The following EME1 variants were observed in gnomAD, a reference collection of about 807,000 sequenced individuals.
EME1 encodes essential meiotic structure-specific endonuclease 1.
In EME1, 61 loss-of-function variants were observed where a neutral mutation model predicts 59.1. The ratio of observed to expected loss-of-function variants is 1.03; its 90% CI spans 0.84 to 1.28. EME1 has a LOEUF of 1.28. EME1 is among the 50% of genes most tolerant of loss of function. The pLI, the probability that EME1 is intolerant of heterozygous loss-of-function variation, is 0.00. For synonymous variants in EME1, 230 were observed against 254.2 expected (o/e 0.90, Z 0.90); for missense variants, 635 against 682.6 (o/e 0.93, Z 0.78).
intron 6 of EME1, 112 bp downstream of exon 6, chr17:50,379,336 C>G: frequency 6.3e-7 from 1 of 1,587,492 alleles, no homozygotes; most frequent in Non-Finnish European, 8.6e-7. Context: ...TTGGCACTGA[C>G]TAAGAGAAGG....
chr17:50,381,121 A>G lies in EME1; in HGVS notation c.*182A>G. 2 of 666,964 alleles carry G rather than the reference A, an allele frequency of 3.0e-6. No homozygotes were observed. Among genetic ancestry groups the G allele is most frequent in the Non-Finnish European group, 4.9e-6 (2 of 404,048 alleles). The allele number at this position is 666,964 out of a possible 1,614,324, so 41.3% of individuals were successfully genotyped here. Reference sequence around the variant, plus strand: ...CCTGTCGGCTGGGGCAGAGACTGAAATACTGCCACCTACCTTTGGCATTTA... The same window carrying G: ...CCTGTCGGCTGGGGCAGAGACTGAAGTACTGCCACCTACCTTTGGCATTTA... On this transcript the variant is annotated 3_prime_UTR_variant, in exon 9 of 9. Transcript: ENST00000338165.
At chr17:50,376,439 C>T (rs766929536) in intron 3 of EME1, among the ~76,000 whole-genome samples, 1 of 152,160 alleles carries the variant, frequency 6.6e-6, no homozygotes, top group Non-Finnish European at 1.5e-5. Flanking sequence ...GTTTTTCGAC[C>T]TCAGTATTGT....
At chr17:50,376,880 T>C (rs999714516) in intron 3 of EME1, among the ~76,000 whole-genome samples, 1 of 152,112 alleles carries the variant, frequency 6.6e-6, no homozygotes, top group Admixed American at 6.5e-5. Flanking sequence ...CCAGAAGACA[T>C]GTGGGCCCTG....
At position 50,375,182 on chromosome 17, in the gene EME1, T is replaced by G; in HGVS notation, c.-24-3T>G. On this transcript the variant is annotated splice_region_variant and splice_polypyrimidine_tract_variant and intron_variant, in intron 1 of 8. Transcript: ENST00000338165. ...CTGTGTCATATGTCTCTTTTCCTTT[T>G]AGGGAATTATTTGATAGCACATACT... 6.2e-7 allele frequency: 1 copy of G among 1,603,774 alleles called. No homozygotes were observed. Among genetic ancestry groups the G allele is most frequent in the Non-Finnish European group, 8.5e-7 (1 of 1,175,600 alleles).
In EME1 at chr17:50,380,304, T is replaced by C. The variant is rs369126156; in HGVS notation, c.1347-8T>C. 22 of 1,595,922 alleles carry C rather than the reference T, an allele frequency of 1.4e-5. No homozygotes were observed. In the African/African-American group the frequency reaches 2.8e-4, roughly 20 times the overall value. Reference sequence around the variant, plus strand: ...GCAACTTACAGCTCTCCAACCACGCTGTTGCAGGAAGCTCCGAGATGAAAC... The same window carrying C: ...GCAACTTACAGCTCTCCAACCACGCCGTTGCAGGAAGCTCCGAGATGAAAC... On this transcript the variant is annotated splice_polypyrimidine_tract_variant and splice_region_variant and intron_variant, in intron 7 of 8. Transcript: ENST00000338165.
chr17:50,380,525 G>T, intron 8 of EME1, 24 bp downstream of exon 8: 2 of 1,608,914 alleles, frequency 1.2e-6, no homozygotes, highest in Non-Finnish European at 1.7e-6. Context: ...GGGCTCAGGG[G>T]TCACTGCCCA....
rs1357660319 is a variant in EME1, at chr17:50,375,205, A to T, written c.-4A>T. The T allele has an allele frequency of 1.2e-6, 2 of 1,613,010 alleles. No individual in the cohort carries two copies. The highest frequency in any genetic ancestry group is 2.2e-5 in the South Asian group (2 of 90,842). On this transcript the variant is annotated 5_prime_UTR_variant, in exon 2 of 9. Coordinates refer to ENST00000338165, the MANE Select transcript of EME1 (RefSeq NM_152463.4). ...TTTAGGGAATTATTTGATAGCACAT[A>T]CTGATGGCTCTAAAGAAGTCATCAC...
Position 50,378,859 on chromosome 17 carries a change from T to C in EME1, c.1076T>C (p.Leu359Pro), listed in dbSNP as rs1474416411. Residue 359 changes from leucine to proline, a missense_variant, in exon 5 of 9, where the codon CTG (leucine) becomes CCG (proline). Transcript: ENST00000338165. Reference protein sequence around the residue: ...DITAKTAGKALSLVIVDQEKC... With the variant: ...DITAKTAGKAPSLVIVDQEKC... ...ACAGCAAAGACAGCAGGGAAAGCTC[T>C]GTCACTGGTGATTGTGGATCAGGAG... The C allele has an allele frequency of 1.9e-6, 3 of 1,614,248 alleles. No homozygotes were observed. The highest frequency in any genetic ancestry group is 1.7e-5 in the Admixed American group (1 of 60,028).
At position 50,375,606 on chromosome 17, in the gene EME1, G is replaced by A; in HGVS notation, c.398G>A (p.Cys133Tyr). The change falls in exon 2 of 9, where the codon TGT becomes TAT. Residue 133 changes from cysteine to tyrosine, a missense_variant. Coordinates refer to ENST00000338165, the MANE Select transcript of EME1 (RefSeq NM_152463.4). Reference sequence around the variant, plus strand: ...CATCAAAATAATGAAGGTGCATCATGTGACTGGAAAAAGCCCTTTCCAAAG... The same window carrying A: ...CATCAAAATAATGAAGGTGCATCATATGACTGGAAAAAGCCCTTTCCAAAG... The part of the protein sequence containing the change: ...LDHQNNEGAS[C>Y]DWKKPFPKIP... The A allele has an allele frequency of 1.9e-6, 3 of 1,574,728 alleles. No homozygotes were observed. The South Asian group carries it at 3.3e-5, about 17-fold the overall frequency.
chr17:50,379,937 A>T (rs1913707199), intron 7 of EME1: 1 of 294,056 alleles, frequency 3.4e-6, no homozygotes, highest in African/African-American at 2.1e-5. Context: ...TAAAATAAGT[A>T]AATGACCTCA....
In EME1 at chr17:50,373,237, G is replaced by T. The variant is rs534336515; in HGVS notation, c.-65G>T. On this transcript the variant is annotated 5_prime_UTR_variant, in exon 1 of 9. Transcript: ENST00000338165. ...CCGCTATCAGGAGATCTACTTCCGG[G>T]CCCTGCGTGGCAGTTGAAAGAGTGG... 861 of 1,605,442 alleles carry T rather than the reference G, an allele frequency of 5.4e-4. 3 individuals carry two copies. Among genetic ancestry groups the T allele is most frequent in the Non-Finnish European group, 5.9e-4 (694 of 1,175,442 alleles).
At position 50,379,511 on chromosome 17, in the gene EME1, A is replaced by G. The variant is rs1383150287; in HGVS notation, c.1290A>G (p.Lys430=). ...AGGCTCAAATTGTGCAGAGCTGGAA[A>G]GAGCTGGCCGACTTCACATGCGCAT... The part of the protein sequence containing the change: ...EAQAQIVQSW[K]ELADFTCAFT... The change falls in exon 7 of 9, where the codon AAA becomes AAG. Residue 430 remains lysine (K), a synonymous_variant. Coordinates refer to ENST00000338165, the MANE Select transcript of EME1 (RefSeq NM_152463.4). 1 of 1,614,234 alleles carries G rather than the reference A, an allele frequency of 6.2e-7. No individual in the cohort carries two copies.
chr17:50,378,388 T>C (rs1465233428), intron 3 of EME1, among the ~76,000 whole-genome samples: 1 of 152,166 alleles, frequency 6.6e-6, no homozygotes, highest in African/African-American at 2.4e-5. Context: ...TTATTCACTG[T>C]CTCTGAGATG....
Position 50,381,225 on chromosome 17 carries a change from G to A in EME1, c.*286G>A, listed in dbSNP as rs1308636943. 1 of 406,354 alleles carries A rather than the reference G, an allele frequency of 2.5e-6. No homozygotes were observed. Among genetic ancestry groups the A allele is most frequent in the African/African-American group, 2.0e-5 (1 of 50,182 alleles). 25.2% of individuals were successfully genotyped at this position (406,354 alleles called of 1,614,324 possible). On this transcript the variant is annotated 3_prime_UTR_variant, in exon 9 of 9. Transcript: ENST00000338165. ...ACCCAGCCAGCCCTCAAAACACAAA[G>A]GAACAAAGACAGTCCACTCAGACAC... is the stretch of plus-strand genomic sequence containing the variant.
At position 50,375,818 on chromosome 17, in the gene EME1, A is replaced by C. The variant is rs746748648; in HGVS notation, c.610A>C (p.Lys204Gln). The change falls in exon 2 of 9, where the codon AAG becomes CAG. Residue 204 changes from lysine (K) to glutamine (Q), a missense_variant. Transcript: ENST00000338165. ...CCAGAAGAAAACCAAGCCGAGTCAGAAGGTCCAGGGAAGAGGCTCACACGG... is the reference window on the plus strand; with the variant it reads ...CCAGAAGAAAACCAAGCCGAGTCAGCAGGTCCAGGGAAGAGGCTCACACGG... ...PPQKKTKPSQKVQGRGSHGCR... is the reference protein window; with the variant it reads ...PPQKKTKPSQQVQGRGSHGCR... 6.2e-7 allele frequency: 1 copy of C among 1,614,222 alleles called. No individual in the cohort carries two copies. The highest frequency in any genetic ancestry group is 1.1e-5 in the South Asian group (1 of 91,086).
chr17:50,378,471 C>T, intron 3 of EME1, 124 bp from the exon 4 acceptor site: 2 of 904,720 alleles, frequency 2.2e-6, no homozygotes, highest in East Asian at 2.4e-5. Flanking sequence ...TGACTTCATT[C>T]CAGAAAGGAT....
Position 50,379,174 on chromosome 17 carries a change from C to A in EME1, c.1180C>A (p.Gln394Lys). 6.2e-7 allele frequency: 1 copy of A among 1,614,168 alleles called. No homozygotes were observed. Among genetic ancestry groups the A allele is most frequent in the Non-Finnish European group, 8.5e-7 (1 of 1,180,038 alleles). ...NKQTKKQQQR[Q>K]PEASIGSMVS... ...ACAGACCAAGAAGCAGCAGCAGAGA[C>A]AACCAGAGGCCAGCATAGGGTCCAT... Residue 394 changes from glutamine to lysine, a missense_variant, in exon 6 of 9, where the codon CAA (glutamine) becomes AAA (lysine). By Grantham distance (53) the Gln-to-Lys change is moderately conservative. Transcript: ENST00000338165.
rs1172523180 is a variant in EME1, at chr17:50,375,963, T to C, written c.755T>C (p.Ile252Thr). ...AQRPEECLKH[I>T]IVVLDPVLLQ... The stretch of plus-strand genomic sequence containing the variant: ...AGGCCAGAGGAATGCTTAAAACACA[T>C]CATTGTAGTGCTGGATCCAGGTCCT... The change falls in exon 2 of 9, where the codon ATC becomes ACC. Residue 252 changes from isoleucine to threonine, a missense_variant. Ile to Thr is a moderately conservative substitution (Grantham distance 89). Transcript: ENST00000338165. The C allele has an allele frequency of 1.2e-6, 2 of 1,607,428 alleles. No homozygotes were observed. The highest frequency in any genetic ancestry group is 1.7e-6 in the Non-Finnish European group (2 of 1,175,710).
Position 50,373,248 on chromosome 17 carries a change from C to T in EME1, c.-54C>T, listed in dbSNP as rs1337475271. On this transcript the variant is annotated 5_prime_UTR_variant, in exon 1 of 9. Transcript: ENST00000338165. ...AGATCTACTTCCGGGCCCTGCGTGG[C>T]AGTTGAAAGAGTGGCGGGAGAAGTT... 4 of 1,578,986 alleles carry T rather than the reference C, an allele frequency of 2.5e-6. No homozygotes were observed. Among genetic ancestry groups the T allele is most frequent in the Non-Finnish European group, 3.5e-6 (4 of 1,156,370 alleles).
Sources: allele counts gnomAD v4.1 joint callset (sites outside exome capture counted in the v4.1 genomes callset), GRCh38; gene constraint gnomAD v4.1.1; transcripts MANE v1.5; gene names NCBI Gene and HGNC (gene_info 2026-07-23, HGNC 2026-07-21).